Variants in SPATA13 observed in about 807,000 individuals in gnomAD.
SPATA13 encodes the protein spermatogenesis associated 13, also known as spermatogenesis-associated protein 13.
Under a neutral mutation model 104.0 loss-of-function variants are expected in SPATA13, and 50 were observed. The ratio of observed to expected loss-of-function variants is 0.48; its 90% confidence interval spans 0.38 to 0.61. SPATA13 has a LOEUF of 0.61. Among genes scored for constraint, SPATA13 ranks in the 20% least tolerant of loss-of-function variants. The pLI is 0.00. For missense variants in SPATA13, 1,524 were observed against 1,690.6 expected (o/e 0.90, Z 1.73); for synonymous variants, 606 against 667.5 (o/e 0.91, Z 1.42).
intron 2 of SPATA13, among the ~76,000 whole-genome samples, chr13:24,232,830 T>G (rs1872357023): frequency 6.6e-6 from 1 of 152,244 alleles, no homozygotes; most frequent in South Asian, 2.1e-4. Flanking sequence ...ATTACAGGCA[T>G]GAGCCACCAC....
chr13:24,291,755 T>A (rs1320938773), intron 9 of SPATA13, among the ~76,000 whole-genome samples: 6 of 125,674 alleles, frequency 4.8e-5, no homozygotes, highest in Admixed American at 7.9e-5. Flanking sequence ...TTTATTTTTT[T>A]ATTTTTTTTT....
chr13:24,189,342 G>T lies in SPATA13; in HGVS notation c.-112+28410G>T, dbSNP rs978335359. 2.0e-5 allele frequency among the ~76,000 whole-genome samples: 3 copies of T among 151,394 alleles called. No individual in the cohort carries two copies. In the Admixed American group the frequency reaches 2.0e-4, roughly 10 times the overall value. On this transcript the variant is annotated intron_variant, in intron 1 of 12. Transcript: ENST00000382108. ...AAAAGTTAGCCAGGCATGGTGGCGG[G>T]TGCCTATAATAGTGCCAGCAACTCT...
intron 1 of SPATA13, among the ~76,000 whole-genome samples, chr13:24,211,378 T>C (rs1258058362): frequency 6.6e-6 from 1 of 152,216 alleles, no homozygotes; most frequent in African/African-American, 2.4e-5. Context: ...GGGTATGATA[T>C]TAGCTGTGGA....
At chr13:24,224,784 T>C (rs1212871539) in intron 2 of SPATA13, 2 of 665,438 alleles carry the variant, frequency 3.0e-6, no homozygotes, top group African/African-American at 1.8e-5. Flanking sequence ...TTGAAATAAA[T>C]TGACAATGTA....
chr13:24,191,541 G>GCT (rs1225672840), intron 1 of SPATA13, among the ~76,000 whole-genome samples: 5 of 104,452 alleles, frequency 4.8e-5, no homozygotes, highest in African/African-American at 1.9e-4. Context: ...ATGGAGTCTT[G>GCT]CTCTGTCACT....
At chr13:24,081,598 C>T (rs2137778396) in intron 3 of SPATA13, among the ~76,000 whole-genome samples, 1 of 152,102 alleles carries the variant, frequency 6.6e-6, no homozygotes, top group South Asian at 2.1e-4. Context: ...TGCTTGAGCG[C>T]AGGAGTTCAA....
intron 3 of SPATA13, 80 bp downstream of exon 3, chr13:24,249,922 G>A (rs2138661127): frequency 6.7e-7 from 1 of 1,501,270 alleles, no homozygotes; most frequent in South Asian, 1.4e-5. Flanking sequence ...CACTAAACTG[G>A]ATCTGCTTTT....
chr13:24,026,947 A>G (rs1019665645), intron 3 of SPATA13, among the ~76,000 whole-genome samples: 5 of 151,888 alleles, frequency 3.3e-5, no homozygotes, highest in Admixed American at 6.6e-5. Flanking sequence ...CTGACTCACT[A>G]TCTTTAGTTT....
intron 1 of SPATA13, among the ~76,000 whole-genome samples, chr13:24,202,489 C>A (rs1296111600): frequency 1.3e-5 from 2 of 149,094 alleles, no homozygotes; most frequent in East Asian, 4.0e-4. Context: ...CCAGTGTTGG[C>A]CTCAGAGACC....
chr13:23,993,524 G>A (rs1875515249), intron 2 of SPATA13, among the ~76,000 whole-genome samples: 1 of 152,218 alleles, frequency 6.6e-6, no homozygotes, highest in Non-Finnish European at 1.5e-5. Flanking sequence ...TTTCACAGAT[G>A]TCAAATGCTT....
chr13:24,204,405 CAG>C lies in SPATA13; in HGVS notation c.-111-18411_-111-18410del, dbSNP rs560771706. The stretch of plus-strand genomic sequence containing the variant: ...TAAAAGCATTGTTTTTGTTGGCAGA[CAG>C]AGCTTTTTTTTTAAATTTTAGTAAA... On this transcript the variant is annotated intron_variant, in intron 1 of 12. Transcript: ENST00000382108. Among the ~76,000 whole-genome samples, 1,210 of 152,100 alleles carry C rather than the reference CAG, an allele frequency of 8.0e-3. 16 individuals are homozygous for C. The highest frequency in any genetic ancestry group is 0.026 in the African/African-American group (1,099 of 41,496).
intron 3 of SPATA13, among the ~76,000 whole-genome samples, chr13:24,063,937 T>A (rs1402376408): frequency 3.3e-5 from 5 of 152,296 alleles, no homozygotes; most frequent in South Asian, 2.1e-4. Context: ...GTTCCCTGCC[T>A]GCCTCCTTTC....
intron 1 of SPATA13, among the ~76,000 whole-genome samples, chr13:24,176,162 TTTTTG>T (rs1868421736): frequency 1.3e-5 from 2 of 152,210 alleles, no homozygotes; most frequent in African/African-American, 4.8e-5. Context: ...TTATATCCAT[TTTTTG>T]TTTTATTTCT....
chr13:24,278,698 G>A, intron 4 of SPATA13: 1 of 1,550,128 alleles, frequency 6.5e-7, no homozygotes, highest in Non-Finnish European at 8.7e-7. Context: ...ACAACCCTGA[G>A]AGATGGGTTT....
intron 2 of SPATA13, among the ~76,000 whole-genome samples, chr13:23,987,546 T>G (rs1244075256): frequency 6.6e-6 from 1 of 152,318 alleles, no homozygotes; most frequent in East Asian, 1.9e-4. Flanking sequence ...AATTAAGCAT[T>G]TTTTTCTCCA....
rs189314157 is a variant in SPATA13, at chr13:24,161,741, C to G, written c.-112+809C>G. Among the ~76,000 whole-genome samples, 24 of 152,322 alleles carry G rather than the reference C, an allele frequency of 1.6e-4. No homozygotes were observed. Among genetic ancestry groups the G allele is most frequent in the Non-Finnish European group, 2.9e-4 (20 of 68,026 alleles). ...ACAAAACCCTGTGGGTCATTTGCTT[C>G]CCAGCATTGCATAGGGATGTGGATA... On this transcript the variant is annotated intron_variant, in intron 1 of 12. Transcript: ENST00000382108. The surrounding 1 kb of genome is among the most constrained non-coding windows in gnomAD (Gnocchi z 4.5).
intron 3 of SPATA13, among the ~76,000 whole-genome samples, chr13:24,044,894 G>GT (rs1878075139): frequency 6.8e-6 from 1 of 147,020 alleles, no homozygotes; most frequent in Non-Finnish European, 1.5e-5. Flanking sequence ...GGAGGGGGTG[G>GT]GGGTGGGGGT....
chr13:24,198,139 G>A (rs1870178114), intron 1 of SPATA13, among the ~76,000 whole-genome samples: 1 of 152,084 alleles, frequency 6.6e-6, no homozygotes, highest in South Asian at 2.1e-4. Context: ...GGGATTACAG[G>A]CGCCCGCCAC....
chr13:24,268,546 GTCA>G (rs1457530729), intron 4 of SPATA13, among the ~76,000 whole-genome samples: 1 of 151,988 alleles, frequency 6.6e-6, no homozygotes, highest in Non-Finnish European at 1.5e-5. Flanking sequence ...ACCACCTGAG[GTCA>G]GGAGTTTGAG....
Sources: allele counts gnomAD v4.1 joint callset (sites outside exome capture counted in the v4.1 genomes callset), GRCh38; gene constraint gnomAD v4.1.1; non-coding constraint Gnocchi (gnomAD v3.1); transcripts MANE v1.5; gene names NCBI Gene and HGNC (gene_info 2026-07-23, HGNC 2026-07-21).